ZNF577: variants seen among roughly 807,000 people sequenced by gnomAD.
ZNF577 encodes zinc finger protein 577.
ZNF577 carries 14 observed loss-of-function variants against 13.9 expected under a neutral mutation model. That is an observed-to-expected ratio of 1.00 (90% confidence interval 0.66 to 1.57). The LOEUF (loss-of-function observed/expected upper bound fraction) is 1.57. Among genes scored for constraint, ZNF577 ranks in the 40% most tolerant of loss-of-function variants. The pLI, the probability that ZNF577 is intolerant of heterozygous loss-of-function variation, is 0.00. For synonymous variants in ZNF577, 203 were observed against 202.9 expected, an observed-to-expected ratio of 1.00 and a Z score of 0.00; for missense variants, 555 against 579.2, an observed-to-expected ratio of 0.96 and a Z score of 0.43.
chr19:51,880,338 G>A lies in ZNF577; in HGVS notation c.45C>T (p.Gly15=), dbSNP rs1568450191. The A allele has an allele frequency of 1.9e-6, 3 of 1,613,964 alleles. No individual in the cohort carries two copies. In the East Asian group the frequency reaches 6.7e-5, roughly 36 times the overall value. ...ACAAATTTACCTCCCCTGAAGAACT[G>A]CCTTGCTCTCTCCTCACAGACATTA... The part of the protein sequence containing the change: ...TIVMSVRREQ[G]SSSGEGSLSF... Residue 15 remains glycine, a synonymous_variant, in exon 3 of 6, where the codon GGC becomes GGT. Transcript: ENST00000638348.
At chr19:51,813,409 A>ATATTTT (rs372244495) in intron 9 of ZNF577, among the ~76,000 whole-genome samples, 3,794 of 151,854 alleles carry the variant, frequency 0.025, 157 homozygotes, top group African/African-American at 0.086. Flanking sequence ...AACCTCATTT[A>ATATTTT]TATTTTTATT....
At chr19:51,861,113 CTTTTTTTTTTTTT>C (rs368241227) in intron 5 of ZNF577, 1 of 167,932 alleles carries the variant, frequency 6.0e-6, no homozygotes, top group African/African-American at 4.8e-5. Flanking sequence ...TTGACTCTCT[CTTTTTTTTTTTTT>C]TTTTTTTTTT....
chr19:51,824,794 A>G lies in ZNF577; in HGVS notation c.*600-13120T>C. On this transcript the variant is annotated intron_variant and NMD_transcript_variant, in intron 9 of 10. Coordinates refer to the ZNF577 transcript ENST00000638827. This position sits in a 1 kb window ranked among gnomAD's most constrained non-coding sequence, Gnocchi z 4.7. ...TCTGCTTCACCTCCTGAGGAGACGG[A>G]GTTACAAGCAATGTGAGGTCGGGGA... The G allele has an allele frequency of 6.2e-7, 1 of 1,610,418 alleles. No homozygotes were observed. The highest frequency in any genetic ancestry group is 1.1e-5 in the South Asian group (1 of 90,754).
intron 9 of ZNF577, among the ~76,000 whole-genome samples, chr19:51,814,729 G>A (rs1204131421): frequency 6.6e-6 from 1 of 151,988 alleles, no homozygotes; most frequent in Non-Finnish European, 1.5e-5. Context: ...CCTGACTCGG[G>A]TGATCTGCCC....
chr19:51,884,636 C>T (rs1721933525), intron 1 of ZNF577, among the ~76,000 whole-genome samples: 1 of 151,116 alleles, frequency 6.6e-6, no homozygotes, highest in Non-Finnish European at 1.5e-5. Context: ...AAACACAAAT[C>T]AATAGAATAA....
chr19:51,817,133 T>C (rs1024763991), intron 9 of ZNF577, among the ~76,000 whole-genome samples: 1 of 152,120 alleles, frequency 6.6e-6, no homozygotes, highest in African/African-American at 2.4e-5. Flanking sequence ...TTTGATGACA[T>C]CTCCAAGGTG....
intron 9 of ZNF577, chr19:51,823,658 G>A: frequency 9.3e-7 from 1 of 1,072,210 alleles, no homozygotes. Context: ...GTAGGAGGAG[G>A]AGCTACAGTG....
chr19:51,805,493 C>T (rs1198413376), intron 10 of ZNF577, among the ~76,000 whole-genome samples: 1 of 152,172 alleles, frequency 6.6e-6, no homozygotes, highest in Non-Finnish European at 1.5e-5. Context: ...AATGGGCTTT[C>T]ACAAGGTCCC....
chr19:51,870,406 G>C lies in ZNF577; in HGVS notation c.*2126C>G, dbSNP rs753529859. 6.6e-6 allele frequency among the ~76,000 whole-genome samples: 1 copy of C among 152,114 alleles called. No homozygotes were observed. The highest frequency in any genetic ancestry group is 1.5e-5 in the Non-Finnish European group (1 of 68,034). ...GGAAAGTATGGCCTTTTCATGGCTT[G>C]CATGTATGCTTTGTGAGGAGAGTTC... On this transcript the variant is annotated 3_prime_UTR_variant, in exon 6 of 6. Coordinates refer to ENST00000638348, the MANE Select transcript of ZNF577 (RefSeq NM_001370449.1).
intron 5 of ZNF577, among the ~76,000 whole-genome samples, chr19:51,858,489 C>A (rs2084461894): frequency 6.6e-6 from 1 of 152,158 alleles, no homozygotes; most frequent in Admixed American, 6.5e-5. Context: ...GTGTTTAGTA[C>A]TCCTTAAACA....
At chr19:51,829,413 C>T (rs1258799890) in intron 9 of ZNF577, among the ~76,000 whole-genome samples, 2 of 151,952 alleles carry the variant, frequency 1.3e-5, no homozygotes, top group Non-Finnish European at 1.5e-5. Flanking sequence ...TACCAGGTTC[C>T]GAGGCCTAAG....
At chr19:51,846,568 G>A (rs376659766) in intron 5 of ZNF577, among the ~76,000 whole-genome samples, 1 of 152,040 alleles carries the variant, frequency 6.6e-6, no homozygotes, top group Admixed American at 6.6e-5. Context: ...AATTAGCCAG[G>A]TGTGGTGCAA....
chr19:51,810,271 C>T (rs1049764637), intron 10 of ZNF577, among the ~76,000 whole-genome samples: 12 of 152,204 alleles, frequency 7.9e-5, no homozygotes, highest in African/African-American at 2.9e-4. Context: ...TTTTTATACA[C>T]CTCACCAGTG....
intron 9 of ZNF577, chr19:51,826,239 T>C (rs1225347433): frequency 6.6e-6 from 1 of 152,272 alleles, no homozygotes; most frequent in African/African-American, 2.4e-5. Flanking sequence ...TTAGAATTTC[T>C]GTATTTATGT....
At chr19:51,853,427 G>A (rs1228036948) in intron 5 of ZNF577, among the ~76,000 whole-genome samples, 4 of 152,164 alleles carry the variant, frequency 2.6e-5, no homozygotes, top group African/African-American at 7.2e-5. Context: ...GTAATCTCAT[G>A]CAAAAAGGGC....
chr19:51,875,276 T>A (rs183790372), intron 5 of ZNF577, among the ~76,000 whole-genome samples: 1 of 145,156 alleles, frequency 6.9e-6, no homozygotes, highest in Admixed American at 7.2e-5. Context: ...GGCAGGAGAA[T>A]CCCTTGAACC....
chr19:51,829,114 G>A (rs1164261379), intron 9 of ZNF577, among the ~76,000 whole-genome samples: 1 of 152,124 alleles, frequency 6.6e-6, no homozygotes, highest in Admixed American at 6.5e-5. Context: ...CCAGTATGGT[G>A]AAACTCTATG....
chr19:51,807,227 G>A (rs2084065838), intron 10 of ZNF577, among the ~76,000 whole-genome samples: 1 of 152,032 alleles, frequency 6.6e-6, no homozygotes. Flanking sequence ...GGGGGGGGTG[G>A]TTGCTGGCTA....
intron 10 of ZNF577, among the ~76,000 whole-genome samples, chr19:51,809,298 A>G (rs2084081659): frequency 6.6e-6 from 1 of 152,126 alleles, no homozygotes; most frequent in African/African-American, 2.4e-5. Flanking sequence ...AGCTGTTCCT[A>G]CTCCCACTAG....
Sources: allele counts gnomAD v4.1 joint callset (sites outside exome capture counted in the v4.1 genomes callset), GRCh38; gene constraint gnomAD v4.1.1; non-coding constraint Gnocchi (gnomAD v3.1); transcripts MANE v1.5; gene names NCBI Gene and HGNC (gene_info 2026-07-23, HGNC 2026-07-21).